The following ATP8B4 variants were observed in gnomAD, a reference collection of about 807,000 sequenced individuals.
The protein encoded by ATP8B4 is ATPase phospholipid transporting 8B4 (putative).
Under a neutral mutation model 145.6 loss-of-function variants are expected in ATP8B4, and 133 were observed. The observed-to-expected ratio is 0.91, with a 90% CI of 0.79 to 1.05. The LOEUF is 1.05. Ranked by LOEUF, ATP8B4 falls within the 50% of genes least tolerant of loss-of-function variation. The pLI is 0.00. For synonymous variants in ATP8B4, 507 were observed against 492.9 expected, an observed-to-expected ratio of 1.03 and a Z score of -0.38; for missense variants, 1,458 against 1,425.2, an observed-to-expected ratio of 1.02 and a Z score of -0.37.
chr15:50,073,192 C>T (rs62021713), intron 3 of ATP8B4, among the ~76,000 whole-genome samples: 2,599 of 151,280 alleles, frequency 0.017, 47 homozygotes, highest in Non-Finnish European at 0.023. Context: ...CCCATCAGCC[C>T]GTCATCTACA....
chr15:49,897,115 C>A (rs1222574595), intron 23 of ATP8B4, 177 bp downstream of exon 23: 1 of 596,766 alleles, frequency 1.7e-6, no homozygotes, highest in Non-Finnish European at 2.8e-6. Context: ...GATACATATT[C>A]TTCTTGGGTA....
chr15:50,032,360 G>A (rs757146125), intron 6 of ATP8B4, among the ~76,000 whole-genome samples: 1 of 152,164 alleles, frequency 6.6e-6, no homozygotes, highest in Non-Finnish European at 1.5e-5. Flanking sequence ...CAAAGGATAT[G>A]AACTCATTCT....
chr15:49,983,165 G>C (rs767910047), intron 10 of ATP8B4, among the ~76,000 whole-genome samples: 15 of 152,116 alleles, frequency 9.9e-5, no homozygotes, highest in Admixed American at 3.3e-4. Context: ...TAATAATATA[G>C]ACAAGATGTG....
intron 5 of ATP8B4, 131 bp downstream of exon 5, chr15:50,044,463 T>C (rs1413550471): frequency 8.7e-6 from 5 of 574,462 alleles, no homozygotes; most frequent in Non-Finnish European, 1.4e-5. Flanking sequence ...ATCAAACAAA[T>C]AGTAAAATAG....
At chr15:49,907,114 G>A (rs1405792826) in intron 20 of ATP8B4, among the ~76,000 whole-genome samples, 2 of 152,218 alleles carry the variant, frequency 1.3e-5, no homozygotes, top group African/African-American at 4.8e-5. Context: ...TAAGAGAGCA[G>A]AGACCAGACA....
chr15:49,924,854 T>C (rs1347861085), intron 16 of ATP8B4, among the ~76,000 whole-genome samples: 1 of 152,206 alleles, frequency 6.6e-6, no homozygotes. Flanking sequence ...ATTTATCTAA[T>C]TGTTAAACCA....
intron 26 of ATP8B4, among the ~76,000 whole-genome samples, chr15:49,863,487 C>T (rs2032224671): frequency 6.6e-6 from 1 of 152,128 alleles, no homozygotes; most frequent in Admixed American, 6.5e-5. Context: ...AACTTTTGTC[C>T]CTGTTCATTT....
At chr15:49,986,600 T>C (rs1157865759) in intron 10 of ATP8B4, among the ~76,000 whole-genome samples, 1 of 152,198 alleles carries the variant, frequency 6.6e-6, no homozygotes, top group Non-Finnish European at 1.5e-5. Context: ...TTGTTGTTGT[T>C]GAGGAAGGTC....
At chr15:50,114,758 C>T (rs1404347355) in intron 1 of ATP8B4, among the ~76,000 whole-genome samples, 1 of 152,204 alleles carries the variant, frequency 6.6e-6, no homozygotes, top group Non-Finnish European at 1.5e-5. Context: ...TAGCTCAATG[C>T]CTGCTGCCAC....
intron 2 of ATP8B4, among the ~76,000 whole-genome samples, chr15:50,093,462 C>T (rs565119178): frequency 6.6e-6 from 1 of 151,992 alleles, no homozygotes; most frequent in East Asian, 1.9e-4. Context: ...ACTCATTCAA[C>T]TATACAGAAA....
intron 20 of ATP8B4, chr15:49,908,164 A>C (rs1357359773): frequency 4.4e-6 from 2 of 451,848 alleles, no homozygotes; most frequent in African/African-American, 4.0e-5. Flanking sequence ...TCTTCCAGGC[A>C]CTGTCTCAAA....
chr15:49,947,746 A>G (rs1227706892), intron 14 of ATP8B4, among the ~76,000 whole-genome samples: 1 of 152,182 alleles, frequency 6.6e-6, no homozygotes, highest in African/African-American at 2.4e-5. Context: ...TCATCAAAGC[A>G]GTGGGGTACT....
chr15:50,077,148 C>T (rs2054231888), intron 2 of ATP8B4, among the ~76,000 whole-genome samples: 1 of 152,150 alleles, frequency 6.6e-6, no homozygotes, highest in Non-Finnish European at 1.5e-5. Context: ...CTCACACCTG[C>T]ACAATTATCA....
chr15:50,092,355 A>T (rs1019895393), intron 2 of ATP8B4, among the ~76,000 whole-genome samples: 5 of 152,146 alleles, frequency 3.3e-5, no homozygotes, highest in African/African-American at 1.2e-4. Context: ...GCGTTCAATA[A>T]CAAATTAGTG....
At chr15:49,902,931 C>T (rs1309323774) in intron 20 of ATP8B4, among the ~76,000 whole-genome samples, 1 of 152,116 alleles carries the variant, frequency 6.6e-6, no homozygotes, top group African/African-American at 2.4e-5. Flanking sequence ...TCTGTTTTCC[C>T]CTTAGAGAGT....
chr15:49,940,312 A>G (rs1433852336), intron 14 of ATP8B4, among the ~76,000 whole-genome samples: 1 of 152,118 alleles, frequency 6.6e-6, no homozygotes, highest in African/African-American at 2.4e-5. Flanking sequence ...ATCAAACACT[A>G]TATGTTCTCA....
chr15:49,884,613 G>GAA (rs60012082), intron 23 of ATP8B4, among the ~76,000 whole-genome samples: 2,272 of 117,566 alleles, frequency 0.019, 38 homozygotes, highest in Non-Finnish European at 0.024. Flanking sequence ...CAAAAAAAAA[G>GAA]AAAAAAAAAA....
rs374478711 is a variant in ATP8B4 at position 50,079,491 on chromosome 15, C to A, written c.29-5306G>T. ...TAAAGTCAATTTATCAGTAAAAGTA[C>A]AATTATTAGTAGTTCTGGTAGGTAA... On this transcript the variant is annotated intron_variant, in intron 2 of 27. Coordinates refer to ENST00000284509, the MANE Select transcript of ATP8B4 (RefSeq NM_024837.4). Among the ~76,000 whole-genome samples the A allele has an allele frequency of 3.3e-3, 503 of 152,252 alleles. 1 individual carries two copies. The highest frequency in any genetic ancestry group is 0.011 in the African/African-American group (476 of 41,540).
At chr15:49,931,827 G>T (rs2041284418) in intron 15 of ATP8B4, among the ~76,000 whole-genome samples, 1 of 151,880 alleles carries the variant, frequency 6.6e-6, no homozygotes, top group Admixed American at 6.6e-5. Context: ...ACTTCAGTCT[G>T]CCACTAATGA....
Sources: allele counts gnomAD v4.1 joint callset (sites outside exome capture counted in the v4.1 genomes callset), GRCh38; gene constraint gnomAD v4.1.1; transcripts MANE v1.5; gene names NCBI Gene and HGNC (gene_info 2026-07-23, HGNC 2026-07-21).